Variants in RANBP17 observed in about 807,000 individuals in gnomAD.
RANBP17 encodes the protein ran-binding protein 17.
RANBP17 carries 158 observed loss-of-function variants against 141.2 expected under a neutral mutation model. That is an observed-to-expected ratio of 1.12 (90% CI 0.98 to 1.28). The LOEUF (loss-of-function observed/expected upper bound fraction) is 1.28, where lower values mean the gene tolerates loss of function less well. Ranked by LOEUF, RANBP17 falls within the 50% of genes most tolerant of loss-of-function variation. The pLI, the probability that RANBP17 is intolerant of heterozygous loss-of-function variation, is 0.00. For synonymous variants in RANBP17, 430 were observed against 450.0 expected (o/e 0.96, Z 0.56); for missense variants, 1,438 against 1,290.7 (o/e 1.11, Z -1.75).
chr5:171,166,647 C>T (rs1455265194), intron 14 of RANBP17, among the ~76,000 whole-genome samples: 3 of 151,960 alleles, frequency 2.0e-5, no homozygotes, highest in African/African-American at 7.3e-5. Flanking sequence ...GTAGGTATTT[C>T]CTAACTGAAC....
At chr5:171,047,174 A>G (rs940610746) in intron 14 of RANBP17, among the ~76,000 whole-genome samples, 23 of 151,156 alleles carry the variant, frequency 1.5e-4, no homozygotes, top group Admixed American at 2.6e-4. Context: ...CCACCACCAC[A>G]CCCAGCTAAT....
At chr5:171,222,836 C>G (rs1339305544) in intron 22 of RANBP17, among the ~76,000 whole-genome samples, 1 of 152,034 alleles carries the variant, frequency 6.6e-6, no homozygotes, top group African/African-American at 2.4e-5. Flanking sequence ...ACCTTGTTGG[C>G]CAGGCTGGTC....
chr5:170,956,887 C>T (rs1327004496), intron 13 of RANBP17, among the ~76,000 whole-genome samples: 3 of 151,774 alleles, frequency 2.0e-5, no homozygotes, highest in African/African-American at 7.2e-5. Context: ...CTGGCTAACA[C>T]GGTGAAACCC....
At chr5:171,063,971 G>C (rs779648) in intron 14 of RANBP17, among the ~76,000 whole-genome samples, 1 of 152,080 alleles carries the variant, frequency 6.6e-6, no homozygotes, top group Non-Finnish European at 1.5e-5. Context: ...CAAGCCAGGT[G>C]CGGGATATAA....
At chr5:171,154,813 G>A (rs891434125) in intron 14 of RANBP17, among the ~76,000 whole-genome samples, 1 of 151,836 alleles carries the variant, frequency 6.6e-6, no homozygotes, top group Non-Finnish European at 1.5e-5. Flanking sequence ...AGTGGCTCAC[G>A]CCTGTAATCC....
chr5:170,890,754 C>G (rs907235352), intron 3 of RANBP17, among the ~76,000 whole-genome samples: 3 of 152,218 alleles, frequency 2.0e-5, no homozygotes, highest in African/African-American at 7.2e-5. Flanking sequence ...AAGCTCATAA[C>G]TGAATTTGCT....
chr5:171,130,300 GCAAA>G (rs1756808669), intron 14 of RANBP17, among the ~76,000 whole-genome samples: 1 of 151,906 alleles, frequency 6.6e-6, no homozygotes, highest in African/African-American at 2.4e-5. Context: ...AGAAGAAATT[GCAAA>G]CAGATTATTA....
Position 171,058,855 on chromosome 5 carries a change from T to C in RANBP17, c.1710+90478T>C, listed in dbSNP as rs1326606494. Among the ~76,000 whole-genome samples, 24 of 150,430 alleles carry C rather than the reference T, an allele frequency of 1.6e-4. 1 individual carries two copies. In the South Asian group the frequency reaches 4.9e-3, roughly 31 times the overall value. On this transcript the variant is annotated intron_variant, in intron 14 of 27. Coordinates refer to ENST00000523189, the MANE Select transcript of RANBP17 (RefSeq NM_022897.5). ...CCTGACTTTTTAATGATTGCCATTC[T>C]AACTGGTGTGAGATGGTATCTCATT...
intron 25 of RANBP17, among the ~76,000 whole-genome samples, chr5:171,288,866 C>G (rs550807583): frequency 6.6e-6 from 1 of 152,306 alleles, no homozygotes; most frequent in African/African-American, 2.4e-5. Context: ...AAGGCACTCT[C>G]TGGAGCTGGC....
intron 5 of RANBP17, among the ~76,000 whole-genome samples, chr5:170,903,191 C>G (rs1464764156): frequency 6.6e-6 from 1 of 152,202 alleles, no homozygotes; most frequent in African/African-American, 2.4e-5. Flanking sequence ...TTCAGAAATG[C>G]CTTGCGCAGA....
intron 14 of RANBP17, among the ~76,000 whole-genome samples, chr5:171,144,609 T>C (rs1195792565): frequency 1.3e-5 from 2 of 152,194 alleles, no homozygotes; most frequent in Admixed American, 1.3e-4. Flanking sequence ...TGGCAATAAG[T>C]GTTCATTATG....
chr5:171,251,771 GC>G, intron 24 of RANBP17: 1 of 977,616 alleles, frequency 1.0e-6, no homozygotes, highest in South Asian at 1.3e-5. Flanking sequence ...TCCCGCGCCC[GC>G]CCCCGCCTCT....
In RANBP17 at chr5:171,004,233, C is replaced by T. The variant is rs181629678; in HGVS notation, c.1710+35856C>T. Among the ~76,000 whole-genome samples the T allele has an allele frequency of 4.2e-4, 63 of 151,618 alleles. 2 individuals carry two copies. The East Asian group carries it at 0.011, about 25-fold the overall frequency. ...AGGGAGTGGAGATGTCCCATACTTGCGGGTTAAGGTAGGAGGATATGAGAG... is the reference window on the plus strand; with the variant it reads ...AGGGAGTGGAGATGTCCCATACTTGTGGGTTAAGGTAGGAGGATATGAGAG... On this transcript the variant is annotated intron_variant, in intron 14 of 27. Coordinates refer to ENST00000523189, the MANE Select transcript of RANBP17 (RefSeq NM_022897.5).
In RANBP17 at chr5:171,299,618, T is replaced by G. The variant is rs1769017734; in HGVS notation, c.*760T>G. The stretch of plus-strand genomic sequence containing the variant: ...ACCCAGTCCTCTGCCTCCATTTAAT[T>G]TTTAAGAGAAGGTGAAGGTAACTAT... On this transcript the variant is annotated 3_prime_UTR_variant, in exon 28 of 28. Transcript: ENST00000523189. 4.3e-6 allele frequency: 1 copy of G among 231,110 alleles called. No individual in the cohort carries two copies. Among genetic ancestry groups the G allele is most frequent in the African/African-American group, 2.2e-5 (1 of 45,200 alleles). The allele number at this position is 231,110 out of a possible 1,614,324, so 14.3% of individuals were successfully genotyped here.
chr5:171,205,990 A>G, intron 20 of RANBP17: 3 of 363,732 alleles, frequency 8.2e-6, no homozygotes, highest in Non-Finnish European at 1.6e-5. Flanking sequence ...TGGGAAGATC[A>G]TTTTATCTCT....
At chr5:170,957,272 C>G (rs1402872068) in intron 13 of RANBP17, among the ~76,000 whole-genome samples, 1 of 151,926 alleles carries the variant, frequency 6.6e-6, no homozygotes, top group South Asian at 2.1e-4. Flanking sequence ...AAAACAGAGC[C>G]TTGGGTGAAG....
intron 14 of RANBP17, among the ~76,000 whole-genome samples, chr5:171,142,381 G>A (rs1421641630): frequency 6.6e-6 from 1 of 152,174 alleles, no homozygotes; most frequent in Admixed American, 6.5e-5. Context: ...CTAACTGGAT[G>A]TTCAGTAAAT....
rs368617028 is a variant in RANBP17, at chr5:171,259,618, G to T, written c.2777-6063G>T. Reference sequence around the variant, plus strand: ...GAAATAAACCAGGCAAAGAAAGACAGATACCACATGTTCTCATTCATATGT... The same window carrying T: ...GAAATAAACCAGGCAAAGAAAGACATATACCACATGTTCTCATTCATATGT... On this transcript the variant is annotated intron_variant, in intron 24 of 27. Transcript: ENST00000523189. 4.6e-5 allele frequency among the ~76,000 whole-genome samples: 7 copies of T among 152,352 alleles called. No homozygotes were observed. In the East Asian group the frequency reaches 9.6e-4, roughly 21 times the overall value.
rs190762680 is a variant in RANBP17 at position 171,121,685 on chromosome 5, C to T, written c.1711-48445C>T. Among the ~76,000 whole-genome samples the T allele has an allele frequency of 4.6e-5, 7 of 152,246 alleles. No individual in the cohort carries two copies. The East Asian group carries it at 5.8e-4, about 13-fold the overall frequency. ...ACAGTGGGAGGTGGTTTTCCTACTG[C>T]GCAGGACCAGAGTCACTGCCACTCC... On this transcript the variant is annotated intron_variant, in intron 14 of 27. Transcript: ENST00000523189.
Sources: allele counts gnomAD v4.1 joint callset (sites outside exome capture counted in the v4.1 genomes callset), GRCh38; gene constraint gnomAD v4.1.1; transcripts MANE v1.5; gene names NCBI Gene and HGNC (gene_info 2026-07-23, HGNC 2026-07-21).